Variants in NGLY1 observed in about 807,000 individuals in gnomAD.
NGLY1 encodes peptide-N(4)-(N-acetyl-beta-glucosaminyl)asparagine amidase.
Under a neutral mutation model 84.6 loss-of-function variants are expected in NGLY1, and 68 were observed. The ratio of observed to expected loss-of-function variants is 0.80; its 90% confidence interval spans 0.66 to 0.98. The LOEUF (loss-of-function observed/expected upper bound fraction) is 0.98. Among genes scored for constraint, NGLY1 ranks in the 50% least tolerant of loss-of-function variants. The pLI is 0.00. For missense variants in NGLY1, 779 were observed against 770.2 expected (o/e 1.01, Z -0.14); for synonymous variants, 280 against 275.2 (o/e 1.02, Z -0.17).
At chr3:25,773,956 C>A (rs989973948) in intron 2 of NGLY1, among the ~76,000 whole-genome samples, 1 of 152,174 alleles carries the variant, frequency 6.6e-6, no homozygotes, top group African/African-American at 2.4e-5. Context: ...GCAAAGAGTC[C>A]TGTGATGTGA....
In NGLY1 at chr3:25,718,961, T is replaced by C. The variant is rs1056600172; in HGVS notation, c.*499A>G. 6.6e-6 allele frequency: 1 copy of C among 152,160 alleles called. No individual in the cohort carries two copies. The highest frequency in any genetic ancestry group is 1.5e-5 in the Non-Finnish European group (1 of 68,012). 9.4% of individuals were successfully genotyped at this position (152,160 alleles called of 1,614,324 possible). ...AAAAGATGTAAGGCAAAATACTTCA[T>C]TTTATTTCTTAAATGCCTGAATATT... On this transcript the variant is annotated 3_prime_UTR_variant, in exon 12 of 12. Coordinates refer to ENST00000280700, the MANE Select transcript of NGLY1 (RefSeq NM_018297.4).
intron 2 of NGLY1, among the ~76,000 whole-genome samples, chr3:25,766,654 G>A (rs923358474): frequency 3.3e-5 from 5 of 152,276 alleles, no homozygotes; most frequent in Admixed American, 6.5e-5. Context: ...GGCCTAGGAA[G>A]AGAAACCAGA....
intron 2 of NGLY1, among the ~76,000 whole-genome samples, chr3:25,775,930 T>C (rs144338141): frequency 5.3e-5 from 8 of 152,372 alleles, no homozygotes; most frequent in African/African-American, 1.9e-4. Context: ...ATTACACATT[T>C]GTATGCTAGC....
In NGLY1 at chr3:25,734,780, T is replaced by C. The variant is rs1283941213; in HGVS notation, c.1150-798A>G. ...AAACGGAAGAGAATACGTCACTTAT[T>C]CATTCCTAAACAGTTGATAGTTTAA... On this transcript the variant is annotated intron_variant, in intron 7 of 11. Transcript: ENST00000280700. 3.2e-6 allele frequency: 3 copies of C among 933,324 alleles called. No homozygotes were observed. The African/African-American group carries it at 5.3e-5, about 16-fold the overall frequency. 57.8% of individuals were successfully genotyped at this position (933,324 alleles called of 1,614,324 possible).
chr3:25,750,816 C>T (rs1165673312), intron 4 of NGLY1, among the ~76,000 whole-genome samples: 3 of 152,170 alleles, frequency 2.0e-5, no homozygotes, highest in Non-Finnish European at 2.9e-5. Context: ...AACTGTCCCT[C>T]AGTATATGCT....
Position 25,751,206 on chromosome 3 carries a change from C to A in NGLY1, c.550G>T (p.Val184Phe), listed in dbSNP as rs139636452. The change falls in exon 4 of 12, where the codon GTC becomes TTC. Residue 184 changes from valine (V) to phenylalanine (F), a missense_variant. Transcript: ENST00000280700. The stretch of plus-strand genomic sequence containing the variant: ...TCCTGAAGAGCAGGATTTTCATAGA[C>A]CAGCACATGCTGAATGTTGGACTGA... ...VLQSNIQHVL[V>F]YENPALQEKA... 3.5e-4 allele frequency: 560 copies of A among 1,612,702 alleles called. No individual in the cohort carries two copies. In the African/African-American group the frequency reaches 5.4e-3, roughly 15 times the overall value.
chr3:25,741,400 C>T (rs1010445819), intron 4 of NGLY1, among the ~76,000 whole-genome samples: 1 of 151,870 alleles, frequency 6.6e-6, no homozygotes, highest in Non-Finnish European at 1.5e-5. Flanking sequence ...GCAGCTCTAA[C>T]AGGATGGACT....
chr3:25,756,988 T>C (rs1454423769), intron 3 of NGLY1, among the ~76,000 whole-genome samples: 10 of 152,344 alleles, frequency 6.6e-5, no homozygotes, highest in Admixed American at 5.9e-4. Context: ...GTTTTGTTTT[T>C]CTTAAGTTCA....
At chr3:25,784,662 T>C (rs1032770934), upstream of NGLY1, among the ~76,000 whole-genome samples, 7 of 152,240 alleles carry the variant, frequency 4.6e-5, no homozygotes, top group Non-Finnish European at 8.8e-5. Flanking sequence ...CTGTTTACTT[T>C]TAAGAATTGA....
chr3:25,737,805 A>G (rs142727583), intron 5 of NGLY1, among the ~76,000 whole-genome samples: 2,046 of 152,114 alleles, frequency 0.013, 40 homozygotes, highest in African/African-American at 0.046. Flanking sequence ...CAGCCTCCCA[A>G]AGTGCTGAGA....
chr3:25,734,269 A>G (rs1183080197), intron 7 of NGLY1: 2 of 213,806 alleles, frequency 9.4e-6, no homozygotes, highest in Non-Finnish European at 1.9e-5. Context: ...GGGTTTCACC[A>G]TGTTGGCTAG....
intron 4 of NGLY1, among the ~76,000 whole-genome samples, chr3:25,744,200 T>C (rs1706302385): frequency 6.6e-6 from 1 of 152,218 alleles, no homozygotes; most frequent in Admixed American, 6.5e-5. Flanking sequence ...GGTAGCCTCA[T>C]CCATGTTCTC....
At chr3:25,746,634 G>GT (rs1706452061) in intron 4 of NGLY1, among the ~76,000 whole-genome samples, 1 of 152,202 alleles carries the variant, frequency 6.6e-6, no homozygotes, top group East Asian at 1.9e-4. Flanking sequence ...CATTCCCACT[G>GT]TGAGGACAGA....
chr3:25,741,522 TATGTTTATGTTTATGA>T (rs1170499331), intron 4 of NGLY1, among the ~76,000 whole-genome samples: 1 of 151,976 alleles, frequency 6.6e-6, no homozygotes, highest in African/African-American at 2.4e-5. Context: ...TATAGGTGAG[TATGTTTATGTTTATGA>T]CTTTGGGTTA....
intron 9 of NGLY1, among the ~76,000 whole-genome samples, chr3:25,732,100 A>T (rs140808423): frequency 1.8e-4 from 28 of 152,326 alleles, no homozygotes; most frequent in Admixed American, 5.9e-4. Context: ...ATAAGGTAAA[A>T]AAAATTTTAA....
At chr3:25,735,911 T>C in intron 7 of NGLY1, 93 bp downstream of exon 7, 2 of 1,084,642 alleles carry the variant, frequency 1.8e-6, no homozygotes, top group East Asian at 2.6e-5. Flanking sequence ...TATATGCAGG[T>C]TATTGTATGT....
chr3:25,750,361 C>A (rs1706671697), intron 4 of NGLY1, among the ~76,000 whole-genome samples: 1 of 152,028 alleles, frequency 6.6e-6, no homozygotes, highest in Admixed American at 6.6e-5. Flanking sequence ...ACTGGATGAA[C>A]CCTGAGGTTC....
At chr3:25,762,950 G>A (rs761484639) in intron 3 of NGLY1, among the ~76,000 whole-genome samples, 10 of 151,792 alleles carry the variant, frequency 6.6e-5, no homozygotes, top group South Asian at 2.1e-4. Flanking sequence ...GTGAAACTCC[G>A]TCTCAAAAAG....
upstream of NGLY1, among the ~76,000 whole-genome samples, chr3:25,785,486 A>T (rs1053901963): frequency 6.6e-6 from 1 of 151,088 alleles, no homozygotes; most frequent in Non-Finnish European, 1.5e-5. Context: ...AGTATATATT[A>T]TACAGTACTT....
Sources: allele counts gnomAD v4.1 joint callset (sites outside exome capture counted in the v4.1 genomes callset), GRCh38; gene constraint gnomAD v4.1.1; transcripts MANE v1.5; gene names NCBI Gene and HGNC (gene_info 2026-07-23, HGNC 2026-07-21).